The following NTRK2 variants were observed in gnomAD, a reference collection of about 807,000 sequenced individuals.
The protein encoded by NTRK2 is BDNF/NT-3 growth factors receptor.
In NTRK2, 13 loss-of-function variants were observed where a neutral mutation model predicts 94.5. That is an observed-to-expected ratio of 0.14 (90% CI 0.09 to 0.22). The LOEUF is 0.22. NTRK2 is among the 10% of genes least tolerant of loss of function. NTRK2 has a pLI of 1.00. For synonymous variants in NTRK2, 372 were observed against 407.4 expected, an observed-to-expected ratio of 0.91 and a Z score of 1.05; for missense variants, 639 against 1,071.2, an observed-to-expected ratio of 0.60 and a Z score of 5.63.
chr9:84,893,684 C>T (rs1368802339), intron 14 of NTRK2, among the ~76,000 whole-genome samples: 1 of 152,118 alleles, frequency 6.6e-6, no homozygotes, highest in Non-Finnish European at 1.5e-5. Flanking sequence ...CTGATTGTTC[C>T]ATGAGACAAA....
intron 7 of NTRK2, 29 bp downstream of exon 7, chr9:84,723,738 T>C (rs750149719): frequency 1.5e-5 from 24 of 1,613,828 alleles, no homozygotes; most frequent in Non-Finnish European, 1.8e-5. Context: ...TGTGTCTTAA[T>C]AGAGAGACAA....
At chr9:84,674,424 A>G (rs1178793315) in intron 2 of NTRK2, among the ~76,000 whole-genome samples, 1 of 152,128 alleles carries the variant, frequency 6.6e-6, no homozygotes, top group Non-Finnish European at 1.5e-5. Flanking sequence ...TAATACATTG[A>G]TTTTGGCCCT....
In NTRK2 at chr9:84,804,402, G is replaced by C. The variant is rs575403937; in HGVS notation, c.1396+52317G>C. Among the ~76,000 whole-genome samples the C allele has an allele frequency of 4.6e-5, 7 of 152,126 alleles. No individual in the cohort carries two copies. The East Asian group carries it at 9.6e-4, about 21-fold the overall frequency. ...TATGTGTACTTCTTTTATGTGTTTT[G>C]TTGTACATTATTTACTTTGTACAAA... On this transcript the variant is annotated intron_variant, in intron 12 of 18. Coordinates refer to ENST00000277120, the MANE Select transcript of NTRK2 (RefSeq NM_006180.6).
chr9:84,898,049 T>C (rs1321136676), intron 14 of NTRK2, among the ~76,000 whole-genome samples: 1 of 149,744 alleles, frequency 6.7e-6, no homozygotes, highest in African/African-American at 2.5e-5. Context: ...AAAGGTCTTA[T>C]CTGCCACTGT....
chr9:84,747,016 GC>G (rs1288856108), intron 11 of NTRK2, among the ~76,000 whole-genome samples: 10 of 152,152 alleles, frequency 6.6e-5, no homozygotes, highest in African/African-American at 2.4e-4. Flanking sequence ...TTGCAGACTG[GC>G]TAGACTTGCA....
At chr9:84,730,737 T>A (rs1242566127) in intron 9 of NTRK2, among the ~76,000 whole-genome samples, 1 of 19,338 alleles carries the variant, frequency 5.2e-5, no homozygotes, top group Non-Finnish European at 1.0e-4. Context: ...CGAGACTCCG[T>A]CTCAAAAAAA....
intron 14 of NTRK2, among the ~76,000 whole-genome samples, chr9:84,893,557 C>T (rs1350141352): frequency 1.3e-5 from 2 of 151,684 alleles, no homozygotes; most frequent in African/African-American, 2.4e-5. Flanking sequence ...CAGCGTGTGA[C>T]AGAGATAGGA....
At chr9:84,767,785 C>G (rs1489358050) in intron 12 of NTRK2, among the ~76,000 whole-genome samples, 1 of 152,162 alleles carries the variant, frequency 6.6e-6, no homozygotes, top group Non-Finnish European at 1.5e-5. Flanking sequence ...CCTCTTTTCC[C>G]CCAAATATCT....
chr9:84,941,408 T>C (rs7871455), intron 15 of NTRK2, among the ~76,000 whole-genome samples: 10,494 of 152,282 alleles, frequency 0.069, 681 homozygotes, highest in African/African-American at 0.17. Flanking sequence ...TTGGTGACCC[T>C]CATTTCTGGC....
intron 17 of NTRK2, among the ~76,000 whole-genome samples, chr9:85,012,829 CAG>C (rs1442834085): frequency 6.6e-6 from 1 of 152,142 alleles, no homozygotes; most frequent in Non-Finnish European, 1.5e-5. Flanking sequence ...CCCTTCAAAA[CAG>C]ATGATAATTT....
chr9:84,939,595 G>A (rs1160903085), intron 15 of NTRK2, among the ~76,000 whole-genome samples: 1 of 152,118 alleles, frequency 6.6e-6, no homozygotes, highest in African/African-American at 2.4e-5. Context: ...GGAATAAGTG[G>A]AAATAAGATA....
chr9:84,785,519 G>T (rs1304599525), intron 12 of NTRK2, among the ~76,000 whole-genome samples: 1 of 152,136 alleles, frequency 6.6e-6, no homozygotes, highest in African/African-American at 2.4e-5. Context: ...TCAAGAGCTC[G>T]TATAACTCAT....
chr9:84,742,632 A>G lies in NTRK2; in HGVS notation c.1195+705A>G, dbSNP rs1261532059. On this transcript the variant is annotated intron_variant, in intron 10 of 18. Coordinates refer to ENST00000277120, the MANE Select transcript of NTRK2 (RefSeq NM_006180.6). ...TGGGTCATAGTCCATTCTTGCCCTT[A>G]TTACTGCTAAGAGGGATGGATTATC... Among the ~76,000 whole-genome samples the G allele has an allele frequency of 2.0e-5, 3 of 151,966 alleles. No homozygotes were observed. In the East Asian group the frequency reaches 5.8e-4, roughly 29 times the overall value.
At chr9:84,707,940 G>T (rs1385045890) in intron 5 of NTRK2, 28 bp downstream of exon 5, 1 of 1,590,886 alleles carries the variant, frequency 6.3e-7, no homozygotes, top group Admixed American at 1.7e-5. Flanking sequence ...GTGGCATTTG[G>T]GGAAATGTTT....
chr9:84,878,031 G>A lies in NTRK2; in HGVS notation c.1633+10600G>A. ...AGAAGTTGTCCGCATTGGTTCCCCA[G>A]TTGCCCCCACATAGCCTCTCTGGGT... On this transcript the variant is annotated intron_variant, in intron 14 of 18. Coordinates refer to ENST00000277120, the MANE Select transcript of NTRK2 (RefSeq NM_006180.6). 3.8e-6 allele frequency: 3 copies of A among 787,244 alleles called. 1 individual carries two copies. Among genetic ancestry groups the A allele is most frequent in the Non-Finnish European group, 4.7e-6 (3 of 643,532 alleles). The allele number at this position is 787,244 out of a possible 1,614,324, so 48.8% of individuals were successfully genotyped here. A position where few individuals can be genotyped will look rare whatever the true frequency, so the allele number is the denominator to read the frequency against.
At chr9:84,711,386 A>G (rs1355009076) in intron 6 of NTRK2, among the ~76,000 whole-genome samples, 1 of 152,190 alleles carries the variant, frequency 6.6e-6, no homozygotes, top group Non-Finnish European at 1.5e-5. Flanking sequence ...CATCTCCAAC[A>G]TTTAAAAGGG....
At chr9:84,977,294 G>A (rs186717621) in intron 17 of NTRK2, among the ~76,000 whole-genome samples, 2 of 152,308 alleles carry the variant, frequency 1.3e-5, no homozygotes, top group East Asian at 3.9e-4. Context: ...ATAAGGCACA[G>A]CACAGACTTC....
intron 12 of NTRK2, among the ~76,000 whole-genome samples, chr9:84,791,834 T>A (rs2068767991): frequency 1.3e-5 from 2 of 152,296 alleles, no homozygotes; most frequent in South Asian, 4.1e-4. Flanking sequence ...AACTCAAGCT[T>A]GAAAAATGTC....
chr9:84,670,648 T>TA lies in NTRK2; in HGVS notation c.-99dup. 2 of 1,195,720 alleles carry TA rather than the reference T, an allele frequency of 1.7e-6. No individual in the cohort carries two copies. Among genetic ancestry groups the TA allele is most frequent in the South Asian group, 2.5e-5 (2 of 81,428 alleles). The allele number at this position is 1,195,720 out of a possible 1,614,324, so 74.1% of individuals were successfully genotyped here. ...ACGCCCGCAACAAGCACCGAGGAGTTAAGAGAGCCGCAAGCGCAGGGAAGG... is the reference window on the plus strand; with the variant it reads ...ACGCCCGCAACAAGCACCGAGGAGTTAAAGAGAGCCGCAAGCGCAGGGAAGG... On this transcript the variant is annotated 5_prime_UTR_variant, in exon 2 of 19. Transcript: ENST00000277120.
Sources: allele counts gnomAD v4.1 joint callset (sites outside exome capture counted in the v4.1 genomes callset), GRCh38; gene constraint gnomAD v4.1.1; transcripts MANE v1.5; gene names NCBI Gene and HGNC (gene_info 2026-07-23, HGNC 2026-07-21).